The following CSGALNACT1 variants were observed in gnomAD, a reference collection of about 807,000 sequenced individuals.
CSGALNACT1 encodes beta4GalNAcT-1.
In CSGALNACT1, 52 loss-of-function variants were observed where a neutral mutation model predicts 51.0. The observed-to-expected ratio is 1.02, with a 90% CI of 0.82 to 1.29. The LOEUF is 1.29. CSGALNACT1 is among the 50% of genes most tolerant of loss of function. The probability of loss-of-function intolerance (pLI) is 0.00; values close to 1 mark genes in which losing one functional copy is unlikely to be tolerated. For missense variants in CSGALNACT1, 935 were observed against 679.2 expected (o/e 1.38, Z -4.19); for synonymous variants, 341 against 254.4 (o/e 1.34, Z -3.24).
chr8:19,502,613 G>A (rs551678771), intron 4 of CSGALNACT1, among the ~76,000 whole-genome samples: 26 of 152,202 alleles, frequency 1.7e-4, no homozygotes, highest in Non-Finnish European at 3.1e-4. Context: ...CTTTTCCCAT[G>A]GATTTTGAGA....
At chr8:19,729,887 C>T (rs780773604) in intron 1 of CSGALNACT1, among the ~76,000 whole-genome samples, 5 of 152,168 alleles carry the variant, frequency 3.3e-5, no homozygotes, top group Non-Finnish European at 5.9e-5. Flanking sequence ...TACTGGGGAA[C>T]TGTCACCTTT....
chr8:19,577,200 G>A (rs963353118), intron 3 of CSGALNACT1, among the ~76,000 whole-genome samples: 1 of 152,146 alleles, frequency 6.6e-6, no homozygotes, highest in Non-Finnish European at 1.5e-5. Flanking sequence ...TGGCCTTGGA[G>A]AATTCATAAT....
chr8:19,685,329 C>CA (rs1450220832), upstream of CSGALNACT1, among the ~76,000 whole-genome samples: 1 of 152,080 alleles, frequency 6.6e-6, no homozygotes, highest in South Asian at 2.1e-4. Context: ...GGCAACATGG[C>CA]AAAACCCTGT....
At chr8:19,666,982 A>AG (rs1491093676) in intron 1 of CSGALNACT1, among the ~76,000 whole-genome samples, 5 of 15,204 alleles carry the variant, frequency 3.3e-4, no homozygotes, top group African/African-American at 2.5e-3. Flanking sequence ...AAAGAAAGAA[A>AG]GAAAGAAAGA....
chr8:19,524,878 G>A (rs1250893755), intron 3 of CSGALNACT1, among the ~76,000 whole-genome samples: 1 of 152,064 alleles, frequency 6.6e-6, no homozygotes, highest in Non-Finnish European at 1.5e-5. Context: ...CTCAGCCTAA[G>A]AATCAGGCAA....
intron 1 of CSGALNACT1, among the ~76,000 whole-genome samples, chr8:19,712,604 C>T (rs1418964775): frequency 6.6e-6 from 1 of 152,132 alleles, no homozygotes; most frequent in Non-Finnish European, 1.5e-5. Context: ...CAAATCTCTT[C>T]CTTATTGCCA....
chr8:19,505,929 G>C, exon 4 of CSGALNACT1: 1 of 1,513,986 alleles, frequency 6.6e-7, no homozygotes, highest in Non-Finnish European at 9.0e-7. Flanking sequence ...GGAAGCATGC[G>C]TTTGGGGCCC....
intron 3 of CSGALNACT1, among the ~76,000 whole-genome samples, chr8:19,529,295 G>C (rs561623716): frequency 6.6e-6 from 1 of 152,298 alleles, no homozygotes; most frequent in African/African-American, 2.4e-5. Flanking sequence ...AGAAGAGTGA[G>C]AGTGAGTGAG....
intron 5 of CSGALNACT1, among the ~76,000 whole-genome samples, chr8:19,447,983 AG>A: frequency 6.6e-6 from 1 of 152,346 alleles, no homozygotes; most frequent in South Asian, 2.1e-4. Flanking sequence ...TAGCAGCAGC[AG>A]CCTCATGCCA....
At chr8:19,666,805 AAGAAAGAGAGAG>A (rs1407314043) in intron 1 of CSGALNACT1, among the ~76,000 whole-genome samples, 46 of 21,092 alleles carry the variant, frequency 2.2e-3, no homozygotes, top group Non-Finnish European at 2.9e-3. Flanking sequence ...GAAAGAAAGA[AAGAAAGAGAGAG>A]AGAGAGAGAG....
chr8:19,513,436 C>CTCTCTCTCTCTATATATA, intron 3 of CSGALNACT1, among the ~76,000 whole-genome samples: 73 of 81,934 alleles, frequency 8.9e-4, no homozygotes, highest in East Asian at 4.8e-3. Flanking sequence ...CTCTCTCTCT[C>CTCTCTCTCTCTATATATA]TATATATATA....
At chr8:19,555,393 G>A (rs1482770189) in intron 3 of CSGALNACT1, among the ~76,000 whole-genome samples, 1 of 152,162 alleles carries the variant, frequency 6.6e-6, no homozygotes, top group African/African-American at 2.4e-5. Context: ...AGGAGGTAGA[G>A]TTTGAAGAAA....
intron 8 of CSGALNACT1, among the ~76,000 whole-genome samples, chr8:19,411,839 T>C (rs1206116400): frequency 1.3e-5 from 2 of 151,726 alleles, no homozygotes; most frequent in Non-Finnish European, 2.9e-5. Context: ...CCTCCTTTTT[T>C]TTTTTTTTTT....
chr8:19,646,760 T>A (rs1429930912), intron 1 of CSGALNACT1, among the ~76,000 whole-genome samples: 1 of 152,040 alleles, frequency 6.6e-6, no homozygotes, highest in East Asian at 1.9e-4. Flanking sequence ...AGTTAACAAT[T>A]GACAAAAAGA....
intron 4 of CSGALNACT1, among the ~76,000 whole-genome samples, chr8:19,501,741 A>G (rs1387059092): frequency 3.3e-5 from 5 of 152,224 alleles, no homozygotes; most frequent in Non-Finnish European, 5.9e-5. Context: ...AAAACAGGAA[A>G]TCAGAGCCAA....
intron 4 of CSGALNACT1, among the ~76,000 whole-genome samples, chr8:19,476,185 G>T (rs555484621): frequency 1.3e-5 from 2 of 152,230 alleles, no homozygotes; most frequent in South Asian, 4.1e-4. Context: ...TTAAAACTTG[G>T]CCTATAGGAA....
chr8:19,690,384 G>T (rs1410415374), intron 1 of CSGALNACT1, among the ~76,000 whole-genome samples: 3 of 152,104 alleles, frequency 2.0e-5, no homozygotes, highest in Admixed American at 2.0e-4. Context: ...CCAGGACTTA[G>T]ATATCTCTAC....
chr8:19,656,614 G>A (rs923969540), intron 1 of CSGALNACT1, among the ~76,000 whole-genome samples: 15 of 123,488 alleles, frequency 1.2e-4, no homozygotes, highest in Admixed American at 9.9e-4. Context: ...ACACACACAC[G>A]AGATCAGCAA....
chr8:19,642,608 A>AAAAACAAAAC (rs558512830), intron 1 of CSGALNACT1, among the ~76,000 whole-genome samples: 22 of 152,136 alleles, frequency 1.4e-4, no homozygotes, highest in Non-Finnish European at 2.6e-4. Context: ...CCTTCTCTAC[A>AAAAACAAAAC]AAAACAAAAC....
Sources: allele counts gnomAD v4.1 joint callset (sites outside exome capture counted in the v4.1 genomes callset), GRCh38; gene constraint gnomAD v4.1.1; transcripts MANE v1.5; gene names NCBI Gene and HGNC (gene_info 2026-07-23, HGNC 2026-07-21).